Variants in MAML2 observed in about 807,000 individuals in gnomAD.
MAML2 encodes mastermind-like protein 2.
MAML2 carries 22 observed loss-of-function variants against 96.1 expected under a neutral mutation model. The ratio of observed to expected loss-of-function variants is 0.23; its 90% CI spans 0.16 to 0.33. MAML2 has a LOEUF of 0.33. Ranked by LOEUF, MAML2 falls within the 10% of genes least tolerant of loss-of-function variation. The pLI is 1.00. For synonymous variants in MAML2, 561 were observed against 521.3 expected (o/e 1.08, Z -1.04); for missense variants, 1,367 against 1,392.4 (o/e 0.98, Z 0.29).
chr11:96,161,463 A>G (rs1156755666), intron 1 of MAML2, among the ~76,000 whole-genome samples: 1 of 152,208 alleles, frequency 6.6e-6, no homozygotes, highest in Non-Finnish European at 1.5e-5. Context: ...AAACGGACAG[A>G]GGAATCTCGG....
chr11:96,077,830 G>T (rs984374144), intron 2 of MAML2, among the ~76,000 whole-genome samples: 11 of 152,138 alleles, frequency 7.2e-5, no homozygotes, highest in Non-Finnish European at 1.5e-4. Flanking sequence ...TACAACTGAT[G>T]ACTCAAAACT....
At chr11:96,227,392 C>T (rs1049238479) in intron 1 of MAML2, among the ~76,000 whole-genome samples, 11 of 152,190 alleles carry the variant, frequency 7.2e-5, no homozygotes, top group African/African-American at 2.7e-4. Flanking sequence ...GTCTCATTCA[C>T]AGCTATACTG....
chr11:96,277,714 G>A (rs1203046985), intron 1 of MAML2, among the ~76,000 whole-genome samples: 2 of 148,266 alleles, frequency 1.3e-5, no homozygotes, highest in Non-Finnish European at 3.0e-5. Flanking sequence ...CTCCAGCCTG[G>A]GCAACAGACA....
At chr11:95,996,502 T>C (rs1460070131) in intron 2 of MAML2, among the ~76,000 whole-genome samples, 5 of 152,098 alleles carry the variant, frequency 3.3e-5, no homozygotes, top group Non-Finnish European at 5.9e-5. Context: ...AACTGGTGCT[T>C]GGGTGAAGGG....
chr11:96,306,818 A>G (rs181464190), intron 1 of MAML2, among the ~76,000 whole-genome samples: 29 of 152,274 alleles, frequency 1.9e-4, no homozygotes, highest in Admixed American at 5.9e-4. Context: ...GGGTCTTTAT[A>G]TGTAAAGCAG....
intron 2 of MAML2, among the ~76,000 whole-genome samples, chr11:96,015,591 G>GT: frequency 7.7e-6 from 1 of 129,442 alleles, no homozygotes; most frequent in Non-Finnish European, 1.7e-5. Flanking sequence ...AAAAGGGGGG[G>GT]GGGGCAATTC....
chr11:96,207,561 G>T (rs1435698334), intron 1 of MAML2, among the ~76,000 whole-genome samples: 4 of 152,172 alleles, frequency 2.6e-5, no homozygotes, highest in Non-Finnish European at 5.9e-5. Flanking sequence ...TAAAACCCAG[G>T]CCCTCTGCTG....
intron 1 of MAML2, among the ~76,000 whole-genome samples, chr11:96,261,043 A>C (rs1862742178): frequency 6.6e-6 from 1 of 152,174 alleles, no homozygotes; most frequent in South Asian, 2.1e-4. Flanking sequence ...CTATGGTTTG[A>C]ATGACCCCTC....
intron 1 of MAML2, among the ~76,000 whole-genome samples, chr11:96,295,789 G>C (rs1306806906): frequency 6.7e-6 from 1 of 148,482 alleles, no homozygotes; most frequent in Non-Finnish European, 1.5e-5. Context: ...AAACAATAAA[G>C]AAGTAGCTTC....
intron 2 of MAML2, among the ~76,000 whole-genome samples, chr11:96,052,783 C>T (rs1413562556): frequency 6.6e-6 from 1 of 152,214 alleles, no homozygotes; most frequent in African/African-American, 2.4e-5. Flanking sequence ...GCTCAAGTCT[C>T]TCTGAAGATT....
intron 2 of MAML2, among the ~76,000 whole-genome samples, chr11:96,044,730 G>C (rs1256630886): frequency 6.6e-6 from 1 of 152,148 alleles, no homozygotes; most frequent in Non-Finnish European, 1.5e-5. Context: ...AGGTCCATTG[G>C]CAAGTTTTTC....
chr11:96,039,814 C>T (rs746517556), intron 2 of MAML2, among the ~76,000 whole-genome samples: 3 of 151,954 alleles, frequency 2.0e-5, no homozygotes, highest in South Asian at 2.1e-4. Flanking sequence ...AAAAATTAGC[C>T]GGGCGTAGTG....
chr11:96,087,342 G>A (rs1326083566), intron 2 of MAML2, among the ~76,000 whole-genome samples: 1 of 152,136 alleles, frequency 6.6e-6, no homozygotes, highest in Non-Finnish European at 1.5e-5. Context: ...GAGTATTAAA[G>A]ACAAATTTTT....
chr11:96,182,776 T>G (rs1861505934), intron 1 of MAML2, among the ~76,000 whole-genome samples: 1 of 152,234 alleles, frequency 6.6e-6, no homozygotes, highest in South Asian at 2.1e-4. Context: ...AATTGTTCTT[T>G]TCATTTCAAC....
chr11:96,316,242 G>T (rs75917368), intron 1 of MAML2, among the ~76,000 whole-genome samples: 7,093 of 152,276 alleles, frequency 0.047, 195 homozygotes, highest in African/African-American at 0.053. Context: ...GAAGCAACCA[G>T]TATACCCAAG....
chr11:96,332,143 A>G (rs930407689), intron 1 of MAML2, among the ~76,000 whole-genome samples: 1 of 152,220 alleles, frequency 6.6e-6, no homozygotes, highest in Non-Finnish European at 1.5e-5. Context: ...ATGCTAAAGT[A>G]GCATGGGTCC....
intron 1 of MAML2, among the ~76,000 whole-genome samples, chr11:96,177,578 G>A (rs1861406889): frequency 6.6e-6 from 1 of 152,114 alleles, no homozygotes; most frequent in Non-Finnish European, 1.5e-5. Context: ...TTTATTTGGG[G>A]CTGAGTCTTC....
At chr11:96,139,545 T>C (rs1034455610) in intron 1 of MAML2, among the ~76,000 whole-genome samples, 6 of 103,680 alleles carry the variant, frequency 5.8e-5, no homozygotes, top group Non-Finnish European at 1.5e-4. Context: ...ACAGTTCCTT[T>C]TTTTTTTTTG....
At chr11:96,244,587 C>A (rs1489150871) in intron 1 of MAML2, among the ~76,000 whole-genome samples, 1 of 152,182 alleles carries the variant, frequency 6.6e-6, no homozygotes, top group Admixed American at 6.5e-5. Flanking sequence ...GCTAACATTT[C>A]TGAGCACTAT....
Sources: gnomAD v4.1 joint callset for allele counts (sites outside exome capture counted in the v4.1 genomes callset) on GRCh38, gnomAD v4.1.1 for gene constraint, MANE v1.5 for transcripts, NCBI Gene and HGNC (gene_info 2026-07-23, HGNC 2026-07-21) for gene names.